FCHSD2: variants seen among roughly 807,000 people sequenced by gnomAD.
FCHSD2 encodes F-BAR and double SH3 domains protein 2.
A neutral mutation model predicts 108.1 loss-of-function variants in FCHSD2; 38 were observed. That is an observed-to-expected ratio of 0.35 (90% CI 0.27 to 0.46). The LOEUF (loss-of-function observed/expected upper bound fraction) is 0.46, where lower values mean the gene tolerates loss of function less well. FCHSD2 is among the 20% of genes least tolerant of loss of function. FCHSD2 has a pLI of 1.00. For synonymous variants in FCHSD2, 279 were observed against 314.7 expected, an observed-to-expected ratio of 0.89 and a Z score of 1.20; for missense variants, 751 against 897.8, an observed-to-expected ratio of 0.84 and a Z score of 2.09.
chr11:73,048,826 A>G (rs1167196601), intron 3 of FCHSD2, among the ~76,000 whole-genome samples: 1 of 152,216 alleles, frequency 6.6e-6, no homozygotes, highest in East Asian at 1.9e-4. Flanking sequence ...TTTGCTGAGC[A>G]ATAATTCAAT....
intron 17 of FCHSD2, 26 bp from the exon 18 acceptor site, chr11:72,841,609 C>T: frequency 6.4e-7 from 1 of 1,568,924 alleles, no homozygotes. Context: ...GCGAGGTTAC[C>T]CGGTGCTCCC....
chr11:72,899,205 A>C (rs991716977), intron 10 of FCHSD2, among the ~76,000 whole-genome samples: 5 of 152,372 alleles, frequency 3.3e-5, no homozygotes, highest in South Asian at 2.1e-4. Flanking sequence ...TATTATTTTT[A>C]TTCTTTTCAA....
chr11:73,070,189 G>A (rs1384002550), intron 3 of FCHSD2, among the ~76,000 whole-genome samples: 5 of 152,144 alleles, frequency 3.3e-5, no homozygotes, highest in Non-Finnish European at 7.3e-5. Context: ...GACATGGAAA[G>A]CAATCTCCAG....
At chr11:72,997,343 T>G (rs1857537210) in intron 5 of FCHSD2, among the ~76,000 whole-genome samples, 1 of 152,024 alleles carries the variant, frequency 6.6e-6, no homozygotes. Context: ...AAACCAGAGA[T>G]CCTAACAGAA....
rs1012116926 is a variant in FCHSD2 at position 73,053,455 on chromosome 11, G to C, written c.165+30240C>G. ...GAAAAAAGTTAGACATGAATATCCTGAGCTTGCTAAAATTTCTTTTAAATC... is the reference window on the plus strand; with the variant it reads ...GAAAAAAGTTAGACATGAATATCCTCAGCTTGCTAAAATTTCTTTTAAATC... On this transcript the variant is annotated intron_variant, in intron 3 of 19. Coordinates refer to ENST00000409418, the MANE Select transcript of FCHSD2 (RefSeq NM_014824.3). Among the ~76,000 whole-genome samples, 3 of 152,062 alleles carry C rather than the reference G, an allele frequency of 2.0e-5. No homozygotes were observed. The South Asian group carries it at 6.2e-4, about 31-fold the overall frequency.
Position 72,910,366 on chromosome 11 carries a change from T to C in FCHSD2, c.829-7728A>G, listed in dbSNP as rs1591390298. On this transcript the variant is annotated intron_variant, in intron 9 of 19. Transcript: ENST00000409418. Reference sequence around the variant, plus strand: ...CATCGAGAACGGGCCATGATGACGATGGCGGTTTTGTCGAAAAGAAAAGGG... The same window carrying C: ...CATCGAGAACGGGCCATGATGACGACGGCGGTTTTGTCGAAAAGAAAAGGG... Among the ~76,000 whole-genome samples the C allele has an allele frequency of 5.9e-5, 9 of 151,648 alleles. No individual in the cohort carries two copies. The South Asian group carries it at 1.5e-3, about 25-fold the overall frequency.
At chr11:73,126,912 C>T (rs1425041437) in intron 2 of FCHSD2, among the ~76,000 whole-genome samples, 1 of 152,096 alleles carries the variant, frequency 6.6e-6, no homozygotes, top group Non-Finnish European at 1.5e-5. Context: ...GTGTTGCACA[C>T]CTGTAATCCT....
chr11:72,859,759 C>T (rs1372749229), intron 13 of FCHSD2, among the ~76,000 whole-genome samples: 1 of 152,066 alleles, frequency 6.6e-6, no homozygotes, highest in Non-Finnish European at 1.5e-5. Flanking sequence ...AGAAATTACC[C>T]AAAGCTAGGG....
At chr11:72,894,411 T>C (rs4944814) in intron 10 of FCHSD2, among the ~76,000 whole-genome samples, 144,884 of 152,178 alleles carry the variant, frequency 0.95, 69,265 homozygotes, top group East Asian at 1. Context: ...TGTAGTCCTA[T>C]CTATGGGAGG....
At chr11:73,018,229 T>C (rs1401882902) in intron 3 of FCHSD2, among the ~76,000 whole-genome samples, 5 of 152,170 alleles carry the variant, frequency 3.3e-5, no homozygotes, top group African/African-American at 9.7e-5. Flanking sequence ...GTTGCTGTTA[T>C]TGTTGTTTTA....
chr11:72,929,999 T>C (rs753644966), intron 8 of FCHSD2, among the ~76,000 whole-genome samples: 25 of 152,090 alleles, frequency 1.6e-4, no homozygotes, highest in Admixed American at 4.6e-4. Context: ...CAAAGAAACA[T>C]TTTGAGAGTG....
rs2135526129 is a variant in FCHSD2, at chr11:73,094,861, A to G, written c.120-11121T>C. Among the ~76,000 whole-genome samples the G allele has an allele frequency of 1.3e-5, 2 of 152,372 alleles. 1 individual carries two copies. The highest frequency in any genetic ancestry group is 4.1e-4 in the South Asian group (2 of 4,834). ...AAATGATGACCTGAGAATACAAACA[A>G]AAATATTTTTTAACGAGGCAAGCGG... On this transcript the variant is annotated intron_variant, in intron 2 of 19. Transcript: ENST00000409418.
chr11:73,086,451 A>C (rs1859818973), intron 2 of FCHSD2, among the ~76,000 whole-genome samples: 1 of 152,168 alleles, frequency 6.6e-6, no homozygotes, highest in African/African-American at 2.4e-5. Context: ...ATCTCAAATC[A>C]ACAGCCTAAC....
chr11:72,857,919 A>G (rs545310469), intron 13 of FCHSD2, among the ~76,000 whole-genome samples: 1 of 152,252 alleles, frequency 6.6e-6, no homozygotes, highest in East Asian at 1.9e-4. Context: ...TTGAATGTTG[A>G]CTATGTCACT....
chr11:72,918,036 T>C (rs1855910353), intron 9 of FCHSD2, among the ~76,000 whole-genome samples: 1 of 152,198 alleles, frequency 6.6e-6, no homozygotes, highest in Non-Finnish European at 1.5e-5. Context: ...TCCATGAACA[T>C]TTATTATATG....
At chr11:72,895,940 AC>A (rs1800421778) in intron 10 of FCHSD2, among the ~76,000 whole-genome samples, 1 of 152,178 alleles carries the variant, frequency 6.6e-6, no homozygotes, top group South Asian at 2.1e-4. Flanking sequence ...AGAAAGAGCC[AC>A]CCATAACAAA....
At chr11:72,967,442 GTACTAT>G (rs1187132517) in intron 8 of FCHSD2, among the ~76,000 whole-genome samples, 1 of 151,942 alleles carries the variant, frequency 6.6e-6, no homozygotes, top group East Asian at 1.9e-4. Context: ...AAAAAATAAA[GTACTAT>G]TACTAATATA....
chr11:73,042,996 C>CA (rs1858677258), intron 3 of FCHSD2, among the ~76,000 whole-genome samples: 2 of 152,016 alleles, frequency 1.3e-5, no homozygotes, highest in Non-Finnish European at 2.9e-5. Context: ...ATGTCATCTG[C>CA]AAAGAAGGAC....
intron 12 of FCHSD2, among the ~76,000 whole-genome samples, chr11:72,874,472 G>A (rs934743964): frequency 3.3e-5 from 5 of 152,166 alleles, no homozygotes; most frequent in African/African-American, 7.2e-5. Context: ...TTACAGGTGC[G>A]AGCCACTGTG....
Sources: allele counts gnomAD v4.1 joint callset (sites outside exome capture counted in the v4.1 genomes callset), GRCh38; gene constraint gnomAD v4.1.1; transcripts MANE v1.5; gene names NCBI Gene and HGNC (gene_info 2026-07-23, HGNC 2026-07-21).